GALP: variants seen among roughly 807,000 people sequenced by gnomAD.
GALP encodes galanin-like peptide.
In GALP, 12 loss-of-function variants were observed where a neutral mutation model predicts 15.2. That is an observed-to-expected ratio of 0.79 (90% CI 0.51 to 1.28). GALP has a LOEUF of 1.28. Among genes scored for constraint, GALP ranks in the 50% most tolerant of loss-of-function variants. The pLI, the probability that GALP is intolerant of heterozygous loss-of-function variation, is 0.00. For missense variants in GALP, 161 were observed against 145.6 expected (o/e 1.11, Z -0.55); for synonymous variants, 58 against 55.1 (o/e 1.05, Z -0.23).
intron 3 of GALP, among the ~76,000 whole-genome samples, 177 bp from the exon 4 acceptor site, chr19:56,181,995 C>T (rs185105212): frequency 1.2e-4 from 19 of 152,256 alleles, no homozygotes; most frequent in African/African-American, 4.1e-4. Flanking sequence ...AGCAAGTGAC[C>T]GCTTGCAGCT....
intron 3 of GALP, among the ~76,000 whole-genome samples, chr19:56,180,915 C>CTTTTTTTT (rs1174325788): frequency 4.5e-4 from 18 of 40,142 alleles, no homozygotes; most frequent in African/African-American, 1.5e-3. Context: ...TTCTTTCTTT[C>CTTTTTTTT]TTTTTTTTTT....
chr19:56,180,675 T>C (rs1007767029), intron 3 of GALP, 41 bp downstream of exon 3: 3 of 1,565,796 alleles, frequency 1.9e-6, no homozygotes, highest in Non-Finnish European at 2.6e-6. Context: ...CTGGCCCGAG[T>C]CTGCCTGGTT....
At chr19:56,177,655 C>A (rs1187035423) in intron 2 of GALP, among the ~76,000 whole-genome samples, 1 of 152,174 alleles carries the variant, frequency 6.6e-6, no homozygotes, top group African/African-American at 2.4e-5. Flanking sequence ...GGCACCCAGT[C>A]TGGGACGACA....
At position 56,183,428 on chromosome 19, in the gene GALP, C is replaced by T. The variant is rs903983267; in HGVS notation, c.295+216C>T. Among the ~76,000 whole-genome samples the T allele has an allele frequency of 5.9e-5, 9 of 152,196 alleles. No individual in the cohort carries two copies. In the South Asian group the frequency reaches 1.5e-3, roughly 25 times the overall value. On this transcript the variant is annotated intron_variant, in intron 5 of 5. Transcript: ENST00000357330. ...TCCCTTCACCTCGATTCCTTCACTG[C>T]GAATCCCACCTCATGTTCCAACTCT...
intron 5 of GALP, among the ~76,000 whole-genome samples, chr19:56,184,600 C>T (rs1372197825): frequency 6.6e-6 from 1 of 150,716 alleles, no homozygotes; most frequent in Non-Finnish European, 1.5e-5. Flanking sequence ...TCTCCTGCCT[C>T]AGCCTCCTGA....
In GALP at chr19:56,178,521, C is replaced by CAAAAAAAAAAAA. The variant is rs80223966; in HGVS notation, c.87+1336_87+1347dup. On this transcript the variant is annotated intron_variant, in intron 2 of 5. Coordinates refer to ENST00000357330, the MANE Select transcript of GALP (RefSeq NM_033106.4). ...AGAAAAGAAATGCTAACAACAACAA[C>CAAAAAAAAAAAA]AAAAAAAAAAAAAAAAAAAAAGAGA... Among the ~76,000 whole-genome samples, 44 of 85,738 alleles carry CAAAAAAAAAAAA rather than the reference C, an allele frequency of 5.1e-4. 1 individual carries two copies. The highest frequency in any genetic ancestry group is 9.8e-4 in the South Asian group (2 of 2,040). The allele number at this position is 85,738 out of a possible 152,430, so 56.2% of individuals were successfully genotyped here.
chr19:56,181,822 A>G (rs2032572018), intron 3 of GALP, among the ~76,000 whole-genome samples: 1 of 152,098 alleles, frequency 6.6e-6, no homozygotes, highest in African/African-American at 2.4e-5. Flanking sequence ...TCCATAAAAT[A>G]CCGAGATTCC....
At chr19:56,184,815 G>A (rs538412728) in intron 5 of GALP, among the ~76,000 whole-genome samples, 52 of 152,176 alleles carry the variant, frequency 3.4e-4, no homozygotes, top group Non-Finnish European at 6.8e-4. Context: ...TCCTGGAGAC[G>A]CCATGTCCTT....
intron 1 of GALP, among the ~76,000 whole-genome samples, 197 bp downstream of exon 1, chr19:56,176,259 CGGGGTG>C: frequency 1.4e-5 from 2 of 141,242 alleles, no homozygotes; most frequent in African/African-American, 5.3e-5. Flanking sequence ...CCAGCTGCAG[CGGGGTG>C]AGAGCCTAGG....
chr19:56,182,815 C>T (rs1162764652), intron 4 of GALP, among the ~76,000 whole-genome samples: 1 of 152,162 alleles, frequency 6.6e-6, no homozygotes, highest in Non-Finnish European at 1.5e-5. Context: ...CCATCAGTCT[C>T]CCAAAGTGCT....
Position 56,177,195 on chromosome 19 carries a change from G to A in GALP, c.87G>A (p.Arg29=), listed in dbSNP as rs1164042425. The change falls in exon 2 of 6, where the codon CGG becomes CGA. Residue 29 remains arginine, a splice_region_variant and synonymous_variant. Coordinates refer to ENST00000357330, the MANE Select transcript of GALP (RefSeq NM_033106.4). ...AETPASAPAH[R]GRGGWTLNSA... ...CTCCAGCATCCGCACCTGCCCACCG[G>A]GTAACGCCTCCCTAAGTTCCTCGGA... 1 of 1,612,390 alleles carries A rather than the reference G, an allele frequency of 6.2e-7. No individual in the cohort carries two copies. Among genetic ancestry groups the A allele is most frequent in the South Asian group, 1.1e-5 (1 of 90,994 alleles).
intron 3 of GALP, among the ~76,000 whole-genome samples, chr19:56,181,289 C>T (rs2032562789): frequency 6.6e-6 from 1 of 151,486 alleles, no homozygotes; most frequent in African/African-American, 2.4e-5. Context: ...TAATGATGGC[C>T]CTTACATCCG....
chr19:56,177,146 T>C lies in GALP; in HGVS notation c.38T>C (p.Val13Ala). ...TCCGTCCCCCTGGTCCTCCTCCTCG[T>C]CCTCTTGCTGAGCCTGGCAGAGACT... is the stretch of plus-strand genomic sequence containing the variant. ...PPSVPLVLLLVLLLSLAETPA... is the reference protein window; with the variant it reads ...PPSVPLVLLLALLLSLAETPA... The change falls in exon 2 of 6, where the codon GTC (valine) becomes GCC (alanine). Residue 13 changes from valine (V) to alanine (A), a missense_variant. Coordinates refer to ENST00000357330, the MANE Select transcript of GALP (RefSeq NM_033106.4). 1 of 1,613,682 alleles carries C rather than the reference T, an allele frequency of 6.2e-7. No homozygotes were observed. Among genetic ancestry groups the C allele is most frequent in the Non-Finnish European group, 8.5e-7 (1 of 1,179,892 alleles).
At chr19:56,184,980 A>G (rs532837475) in intron 5 of GALP, among the ~76,000 whole-genome samples, 1 of 152,206 alleles carries the variant, frequency 6.6e-6, no homozygotes, top group Non-Finnish European at 1.5e-5. Flanking sequence ...ATGTGGGCGG[A>G]AAGGGAGAAT....
chr19:56,184,375 A>G (rs531382), intron 5 of GALP, among the ~76,000 whole-genome samples: 152,182 of 152,304 alleles, frequency 1, 76,030 homozygotes, highest in Middle Eastern at 1. Flanking sequence ...CTTCCCACCC[A>G]ATCATGAGCT....
At chr19:56,179,158 C>G (rs775307257) in intron 2 of GALP, among the ~76,000 whole-genome samples, 2 of 152,076 alleles carry the variant, frequency 1.3e-5, no homozygotes, top group Non-Finnish European at 2.9e-5. Context: ...GCCTGGGTGG[C>G]AGAGTGAGAC....
At chr19:56,181,199 G>C (rs1399964245) in intron 3 of GALP, among the ~76,000 whole-genome samples, 1 of 151,482 alleles carries the variant, frequency 6.6e-6, no homozygotes, top group East Asian at 2.0e-4. Flanking sequence ...AAAATGCTGG[G>C]ATTACAGGCA....
intron 5 of GALP, among the ~76,000 whole-genome samples, 177 bp from the exon 6 acceptor site, chr19:56,185,038 C>T (rs914320330): frequency 2.0e-5 from 3 of 152,044 alleles, no homozygotes; most frequent in African/African-American, 7.2e-5. Context: ...CGGTGGCTCA[C>T]GCCTGTAATC....
At chr19:56,180,284 C>T (rs1201715362) in intron 2 of GALP, among the ~76,000 whole-genome samples, 3 of 152,204 alleles carry the variant, frequency 2.0e-5, no homozygotes, top group Non-Finnish European at 4.4e-5. Context: ...AGCTCTAGGA[C>T]TTCTTCATCC....
Sources: gnomAD v4.1 joint callset for allele counts (sites outside exome capture counted in the v4.1 genomes callset) on GRCh38, gnomAD v4.1.1 for gene constraint, MANE v1.5 for transcripts, NCBI Gene and HGNC (gene_info 2026-07-23, HGNC 2026-07-21) for gene names.